LARGE1: variants seen among roughly 807,000 people sequenced by gnomAD.
LARGE1 encodes xylosyl- and glucuronyltransferase LARGE1.
A neutral mutation model predicts 87.6 loss-of-function variants in LARGE1; 43 were observed. The observed-to-expected ratio is 0.49, with a 90% CI of 0.38 to 0.63. LARGE1 has a LOEUF of 0.63. Ranked by LOEUF, LARGE1 falls within the 30% of genes least tolerant of loss-of-function variation. LARGE1 has a pLI of 0.00. For missense variants in LARGE1, 802 were observed against 1,000.2 expected (o/e 0.80, Z 2.67); for synonymous variants, 434 against 394.6 (o/e 1.10, Z -1.18).
intron 6 of LARGE1, among the ~76,000 whole-genome samples, chr22:33,433,607 C>CAAAAAAAAAAAAAA (rs57605083): frequency 3.9e-3 from 347 of 87,880 alleles, no homozygotes; most frequent in Middle Eastern, 0.01. Context: ...AAAAACAAAA[C>CAAAAAAAAAAAAAA]AAAAAAAAAA....
At chr22:33,239,530 CTTTTCTT>C (rs1172518057) in intron 11 of LARGE1, among the ~76,000 whole-genome samples, 2 of 119,024 alleles carry the variant, frequency 1.7e-5, no homozygotes, top group Non-Finnish European at 3.6e-5. Context: ...TTCTTTTTTT[CTTTTCTT>C]TTTTTTTTTT....
chr22:33,878,766 G>A (rs2064565501), intron 1 of LARGE1, among the ~76,000 whole-genome samples: 1 of 152,112 alleles, frequency 6.6e-6, no homozygotes, highest in South Asian at 2.1e-4. Context: ...ATCACCCCAG[G>A]AAAGACTCCA....
chr22:33,273,978 A>C lies in LARGE1; in HGVS notation c.*449T>G, dbSNP rs1038474844. ...AGCTACATTGCAGGGCAAAGGGGAA[A>C]GTTTTCACTTAATAAAGACAATTTC... On this transcript the variant is annotated 3_prime_UTR_variant, in exon 15 of 15. Coordinates refer to ENST00000397394, the MANE Select transcript of LARGE1 (RefSeq NM_133642.5). 4 of 338,406 alleles carry C rather than the reference A, an allele frequency of 1.2e-5. No individual in the cohort carries two copies. Among genetic ancestry groups the C allele is most frequent in the African/African-American group, 4.2e-5 (2 of 47,786 alleles). 21.0% of individuals were successfully genotyped at this position (338,406 alleles called of 1,614,324 possible).
chr22:33,270,714 C>T (rs369619349), downstream of LARGE1, among the ~76,000 whole-genome samples: 10 of 152,250 alleles, frequency 6.6e-5, no homozygotes, highest in East Asian at 1.5e-3. Context: ...TTCACTAACA[C>T]AGAGCTCCCT....
At chr22:33,779,513 C>T (rs1040537788) in intron 1 of LARGE1, among the ~76,000 whole-genome samples, 2 of 152,182 alleles carry the variant, frequency 1.3e-5, no homozygotes, top group African/African-American at 4.8e-5. Context: ...GGCGTGGTAG[C>T]TCATGCCTGT....
At chr22:33,348,270 T>G (rs1050597741) in intron 9 of LARGE1, among the ~76,000 whole-genome samples, 1 of 71,954 alleles carries the variant, frequency 1.4e-5, no homozygotes, top group Non-Finnish European at 2.7e-5. Flanking sequence ...CTGTCCCCGC[T>G]CCCCCACCCA....
intron 1 of LARGE1, among the ~76,000 whole-genome samples, chr22:33,849,081 A>G (rs2063511338): frequency 6.6e-6 from 1 of 152,242 alleles, no homozygotes; most frequent in South Asian, 2.1e-4. Context: ...GGGACTGTGT[A>G]GAGAAAGAAG....
chr22:33,852,457 A>C (rs562473502), intron 1 of LARGE1, among the ~76,000 whole-genome samples: 1 of 152,256 alleles, frequency 6.6e-6, no homozygotes, highest in South Asian at 2.1e-4. Context: ...TTCGCCCCTT[A>C]ATTAGGTTAC....
At chr22:33,829,825 A>G (rs533542106) in intron 1 of LARGE1, among the ~76,000 whole-genome samples, 1 of 152,198 alleles carries the variant, frequency 6.6e-6, no homozygotes, top group East Asian at 1.9e-4. Flanking sequence ...ATCCAGGGGG[A>G]CAGGTCCTCA....
At chr22:33,191,203 T>C (rs930221449) in intron 11 of LARGE1, among the ~76,000 whole-genome samples, 3 of 152,188 alleles carry the variant, frequency 2.0e-5, no homozygotes, top group African/African-American at 4.8e-5. Flanking sequence ...TTACATAAAA[T>C]AGAGAGTTAA....
chr22:33,256,223 G>A (rs1311003230), intron 11 of LARGE1, among the ~76,000 whole-genome samples: 3 of 152,238 alleles, frequency 2.0e-5, no homozygotes, highest in Non-Finnish European at 4.4e-5. Context: ...GAGGACGATA[G>A]AAGAGATTCT....
At chr22:33,139,662 A>G in the LARGE1 span, among the ~76,000 whole-genome samples, 4 of 151,952 alleles carry the variant, frequency 2.6e-5, no homozygotes, top group African/African-American at 9.7e-5. Flanking sequence ...ATATCTCTTT[A>G]TGTGCTATTC....
At chr22:33,465,406 A>G (rs2068564956) in intron 6 of LARGE1, among the ~76,000 whole-genome samples, 1 of 152,226 alleles carries the variant, frequency 6.6e-6, no homozygotes, top group Non-Finnish European at 1.5e-5. Flanking sequence ...TGGTGGGTGC[A>G]TGGATGTTAG....
chr22:33,378,311 T>C (rs965362149), intron 9 of LARGE1, among the ~76,000 whole-genome samples: 4 of 152,166 alleles, frequency 2.6e-5, no homozygotes, highest in Admixed American at 6.5e-5. Context: ...AGAGGAAACA[T>C]TTCTCCCTCA....
At chr22:33,344,379 TTA>T (rs1939502736) in intron 9 of LARGE1, among the ~76,000 whole-genome samples, 1 of 151,932 alleles carries the variant, frequency 6.6e-6, no homozygotes, top group Admixed American at 6.6e-5. Context: ...AACTTACAAC[TTA>T]GATAGAGAGG....
the LARGE1 span, among the ~76,000 whole-genome samples, chr22:33,151,433 T>C: frequency 1.1e-4 from 16 of 152,316 alleles, no homozygotes; most frequent in South Asian, 3.3e-3. Context: ...CAGTTGGATG[T>C]CTTGTATTTC....
intron 1 of LARGE1, among the ~76,000 whole-genome samples, chr22:33,856,575 T>G (rs1412417790): frequency 6.6e-6 from 1 of 152,170 alleles, no homozygotes; most frequent in Admixed American, 6.5e-5. Flanking sequence ...GCCCTAAACT[T>G]AGAGGCGGAC....
intron 1 of LARGE1, among the ~76,000 whole-genome samples, chr22:33,814,949 C>CTA (rs1298164552): frequency 5.9e-5 from 9 of 152,168 alleles, no homozygotes; most frequent in Non-Finnish European, 1.2e-4. Context: ...AACACACAGA[C>CTA]ATTAAACGAC....
intron 1 of LARGE1, among the ~76,000 whole-genome samples, chr22:33,818,761 T>TA (rs1279966524): frequency 6.6e-6 from 1 of 152,170 alleles, no homozygotes; most frequent in Non-Finnish European, 1.5e-5. Context: ...TGTTGGTTGT[T>TA]AAACACTTTA....
Sources: gnomAD v4.1 joint callset for allele counts (sites outside exome capture counted in the v4.1 genomes callset) on GRCh38, gnomAD v4.1.1 for gene constraint, MANE v1.5 for transcripts, NCBI Gene and HGNC (gene_info 2026-07-23, HGNC 2026-07-21) for gene names.